FUT8: variants seen among roughly 807,000 people sequenced by gnomAD.
FUT8 encodes the protein fucosyltransferase 8, also known as alpha-(1,6)-fucosyltransferase.
In FUT8, 29 loss-of-function variants were observed where a neutral mutation model predicts 71.3. The observed-to-expected ratio is 0.41, with a 90% CI of 0.30 to 0.55. The LOEUF is 0.55. FUT8 is among the 20% of genes least tolerant of loss of function. The probability of loss-of-function intolerance (pLI) is 0.34; values close to 1 mark genes in which losing one functional copy is unlikely to be tolerated. For synonymous variants in FUT8, 254 were observed against 239.3 expected (o/e 1.06, Z -0.57); for missense variants, 544 against 702.1 (o/e 0.77, Z 2.55).
intron 6 of FUT8, among the ~76,000 whole-genome samples, chr14:65,632,178 G>T (rs538191191): frequency 6.6e-5 from 10 of 152,176 alleles, no homozygotes; most frequent in African/African-American, 2.4e-4. Context: ...GAACTGTGCT[G>T]CTATAAACAT....
At chr14:65,697,259 T>G (rs1041099780) in intron 7 of FUT8, among the ~76,000 whole-genome samples, 9 of 152,194 alleles carry the variant, frequency 5.9e-5, no homozygotes, top group African/African-American at 4.8e-5. Context: ...TCTTCTAGTG[T>G]CCTTGTTTTT....
chr14:65,572,579 C>G (rs1886539186), intron 3 of FUT8, among the ~76,000 whole-genome samples: 1 of 151,868 alleles, frequency 6.6e-6, no homozygotes, highest in Admixed American at 6.6e-5. Context: ...TTGCCTAACA[C>G]CCTTTGCGTG....
In FUT8 at chr14:65,413,872, A is replaced by T. The variant is rs1434265484; in HGVS notation, c.-326+658A>T. On this transcript the variant is annotated intron_variant, in intron 1 of 10. Transcript: ENST00000673929. This position sits in a 1 kb window ranked among gnomAD's most constrained non-coding sequence, Gnocchi z 4.1. ...CTAGGAGGTTTGTCCTGCAGGATTGAGTGGGTTGTCGGGTGCAGCACCTGT... is the reference window on the plus strand; with the variant it reads ...CTAGGAGGTTTGTCCTGCAGGATTGTGTGGGTTGTCGGGTGCAGCACCTGT... 1.3e-5 allele frequency among the ~76,000 whole-genome samples: 2 copies of T among 152,182 alleles called. No individual in the cohort carries two copies. The highest frequency in any genetic ancestry group is 3.9e-4 in the East Asian group (2 of 5,180).
At chr14:65,582,264 TA>T (rs1464677523) in intron 3 of FUT8, among the ~76,000 whole-genome samples, 3 of 152,206 alleles carry the variant, frequency 2.0e-5, no homozygotes, top group Non-Finnish European at 2.9e-5. Flanking sequence ...TAAATTTATA[TA>T]TTTTTTTTCC....
chr14:65,553,007 G>A (rs547437010), intron 2 of FUT8, among the ~76,000 whole-genome samples: 3 of 152,156 alleles, frequency 2.0e-5, no homozygotes, highest in South Asian at 2.1e-4. Context: ...CCATCCTGGA[G>A]TAGAATGGTG....
chr14:65,413,492 G>A lies in FUT8; in HGVS notation c.-326+278G>A, dbSNP rs1456197031. On this transcript the variant is annotated intron_variant, in intron 1 of 10. Transcript: ENST00000673929. This position sits in a 1 kb window ranked among gnomAD's most constrained non-coding sequence, Gnocchi z 4.1. ...GAGCTGCGCCGCTGCTGCCCTCGGC[G>A]TCGCGCATCCTTGCCTAGGGCAGGG... Among the ~76,000 whole-genome samples the A allele has an allele frequency of 5.3e-5, 8 of 151,946 alleles. No homozygotes were observed. The highest frequency in any genetic ancestry group is 1.0e-4 in the Non-Finnish European group (7 of 67,954).
intron 2 of FUT8, among the ~76,000 whole-genome samples, chr14:65,487,778 GGT>G (rs1307296912): frequency 6.6e-6 from 1 of 152,056 alleles, no homozygotes; most frequent in African/African-American, 2.4e-5. Flanking sequence ...AGTGTTTTGT[GGT>G]GTGGGAAATT....
chr14:65,697,755 C>T (rs1161969184), intron 7 of FUT8, among the ~76,000 whole-genome samples: 1 of 152,102 alleles, frequency 6.6e-6, no homozygotes, highest in Non-Finnish European at 1.5e-5. Flanking sequence ...GGGTGGATCA[C>T]CTGAGGTCAG....
intron 2 of FUT8, among the ~76,000 whole-genome samples, chr14:65,498,623 A>G (rs943339470): frequency 6.6e-6 from 1 of 152,214 alleles, no homozygotes; most frequent in East Asian, 1.9e-4. Context: ...TGCCAGTACA[A>G]CAATGTTATT....
chr14:65,505,476 C>G (rs2066716325), intron 2 of FUT8, among the ~76,000 whole-genome samples: 1 of 151,722 alleles, frequency 6.6e-6, no homozygotes, highest in East Asian at 1.9e-4. Flanking sequence ...CCATGCCTGG[C>G]TAATTTTTTG....
chr14:65,604,392 T>C (rs1180026148), intron 3 of FUT8, among the ~76,000 whole-genome samples: 2 of 151,926 alleles, frequency 1.3e-5, no homozygotes, highest in East Asian at 3.8e-4. Flanking sequence ...ACTGAAATTA[T>C]ATCAAGTACT....
chr14:65,702,304 C>T (rs573484064), intron 7 of FUT8, among the ~76,000 whole-genome samples: 8 of 145,176 alleles, frequency 5.5e-5, no homozygotes, highest in South Asian at 2.2e-4. Context: ...GAGATCATGG[C>T]GTTGCACTCC....
chr14:65,527,140 T>G (rs1883537344), intron 2 of FUT8, among the ~76,000 whole-genome samples: 1 of 152,236 alleles, frequency 6.6e-6, no homozygotes. Flanking sequence ...TTCTCCTGGA[T>G]AATATCCTGC....
At chr14:65,592,238 A>G (rs962582158) in intron 3 of FUT8, among the ~76,000 whole-genome samples, 12 of 152,280 alleles carry the variant, frequency 7.9e-5, no homozygotes, top group African/African-American at 2.9e-4. Context: ...AGTTCATGAA[A>G]AAATGGTTGA....
At chr14:65,367,142 G>C in the FUT8 span, among the ~76,000 whole-genome samples, 2 of 152,142 alleles carry the variant, frequency 1.3e-5, no homozygotes, top group African/African-American at 2.4e-5. Context: ...CTGAAGACTC[G>C]TTTCTACATT....
chr14:65,567,844 T>A (rs572105777), intron 3 of FUT8, among the ~76,000 whole-genome samples: 44 of 152,032 alleles, frequency 2.9e-4, no homozygotes, highest in African/African-American at 1.1e-3. Context: ...ACATTTTGTT[T>A]TGGATTTTTT....
At chr14:65,650,585 C>T (rs1374073659) in intron 6 of FUT8, among the ~76,000 whole-genome samples, 3 of 151,702 alleles carry the variant, frequency 2.0e-5, no homozygotes, top group Non-Finnish European at 4.4e-5. Flanking sequence ...TTGTGAAAAA[C>T]GGCCCTCATG....
chr14:65,572,472 A>T lies in FUT8; in HGVS notation c.203+10706A>T, dbSNP rs140292976. Among the ~76,000 whole-genome samples the T allele has an allele frequency of 1.1e-3, 173 of 152,334 alleles. 2 individuals are homozygous for T. Among genetic ancestry groups the T allele is most frequent in the African/African-American group, 3.9e-3 (161 of 41,576 alleles). ...ATACAACTGTGAGTGATGAATGTGGAGTTCATCTTGCTTCATATTCCACAT... is the reference window on the plus strand; with the variant it reads ...ATACAACTGTGAGTGATGAATGTGGTGTTCATCTTGCTTCATATTCCACAT... On this transcript the variant is annotated intron_variant, in intron 3 of 10. Coordinates refer to ENST00000673929, the MANE Select transcript of FUT8 (RefSeq NM_001371533.1).
chr14:65,605,885 T>C (rs907446952), intron 3 of FUT8, among the ~76,000 whole-genome samples: 2 of 151,898 alleles, frequency 1.3e-5, no homozygotes, highest in African/African-American at 4.8e-5. Flanking sequence ...ATGAATGAAG[T>C]CCTCTTCTAT....
Sources: gnomAD v4.1 joint callset for allele counts (sites outside exome capture counted in the v4.1 genomes callset) on GRCh38, gnomAD v4.1.1 for gene constraint, Gnocchi (gnomAD v3.1) non-coding constraint, MANE v1.5 for transcripts, NCBI Gene and HGNC (gene_info 2026-07-23, HGNC 2026-07-21) for gene names.